Variants in FRA10AC1 observed in about 807,000 individuals in gnomAD.
FRA10AC1 encodes the protein protein FRA10AC1.
Under a neutral mutation model 56.5 loss-of-function variants are expected in FRA10AC1, and 43 were observed. The observed-to-expected ratio is 0.76, with a 90% CI of 0.60 to 0.98. The LOEUF (loss-of-function observed/expected upper bound fraction) is 0.98. FRA10AC1 is among the 50% of genes least tolerant of loss of function. The pLI, the probability that FRA10AC1 is intolerant of heterozygous loss-of-function variation, is 0.00. For missense variants in FRA10AC1, 346 were observed against 351.8 expected (o/e 0.98, Z 0.13); for synonymous variants, 112 against 110.5 (o/e 1.01, Z -0.09).
chr10:93,669,732 T>A lies in FRA10AC1; in HGVS notation c.*94A>T. 1 of 789,062 alleles carries A rather than the reference T, an allele frequency of 1.3e-6. No homozygotes were observed. The allele number at this position is 789,062 out of a possible 1,614,324, so 48.9% of individuals were successfully genotyped here. ...AAAGACAAACCACACAAGCTGTAAC[T>A]TGCAGATAAAAACTTATATGGAATT... On this transcript the variant is annotated 3_prime_UTR_variant, in exon 14 of 14. Transcript: ENST00000359204.
At chr10:93,677,417 A>G (rs1300428166) in intron 11 of FRA10AC1, among the ~76,000 whole-genome samples, 1 of 152,158 alleles carries the variant, frequency 6.6e-6, no homozygotes, top group African/African-American at 2.4e-5. Context: ...GATGAAGAGT[A>G]TAAGAACTAC....
intron 7 of FRA10AC1, 149 bp downstream of exon 7, chr10:93,691,860 T>A: frequency 1.3e-6 from 1 of 794,764 alleles, no homozygotes. Flanking sequence ...CTGCAGAGGT[T>A]AAATGGTCCA....
At position 93,692,007 on chromosome 10, in the gene FRA10AC1, A is replaced by G. The variant is rs771212116; in HGVS notation, c.465+2T>C. 2.6e-6 allele frequency: 4 copies of G among 1,566,012 alleles called. No homozygotes were observed. Among genetic ancestry groups the G allele is most frequent in the Non-Finnish European group, 3.5e-6 (4 of 1,158,620 alleles). ...CTTTCCATAAATATGTGGAAAGCATACCTTATTTTCTTTATATTTACTGAG... is the reference window on the plus strand; with the variant it reads ...CTTTCCATAAATATGTGGAAAGCATGCCTTATTTTCTTTATATTTACTGAG... On this transcript the variant is annotated splice_donor_variant, in intron 7 of 13. Transcript: ENST00000359204. LOFTEE classifies it high-confidence loss of function.
At chr10:93,685,650 T>C (rs965608970) in intron 8 of FRA10AC1, among the ~76,000 whole-genome samples, 1 of 151,066 alleles carries the variant, frequency 6.6e-6, no homozygotes, top group African/African-American at 2.4e-5. Context: ...TATTAAAGAA[T>C]GGACATATTT....
In FRA10AC1 at chr10:93,694,897, T is replaced by C. The variant is rs377557297; in HGVS notation, c.260A>G (p.Tyr87Cys). The C allele has an allele frequency of 7.3e-5, 116 of 1,585,730 alleles. 1 individual carries two copies. In the South Asian group the frequency reaches 8.5e-4, roughly 12 times the overall value. ...HTKFVNDYIL[Y>C]YGGKKEDFKR... is the part of the protein sequence containing the mutation. The stretch of plus-strand genomic sequence containing the variant: ...GAAGTCTTCTTTTTTGCCACCATAG[T>C]ATAAAATATAGTCATTTACGAACTT... Residue 87 changes from tyrosine to cysteine, a missense_variant, in exon 5 of 14, where the codon TAC (tyrosine) becomes TGC (cysteine). Physicochemically the swap from Tyr to Cys is radical, Grantham distance 194. Coordinates refer to ENST00000359204, the MANE Select transcript of FRA10AC1 (RefSeq NM_145246.5).
chr10:93,683,205 C>G (rs760290641), intron 10 of FRA10AC1, among the ~76,000 whole-genome samples: 2 of 152,160 alleles, frequency 1.3e-5, no homozygotes, highest in Non-Finnish European at 2.9e-5. Context: ...AGAGGTTAAG[C>G]AGTTTGCCCA....
chr10:93,700,756 G>A (rs1020886544), intron 1 of FRA10AC1, among the ~76,000 whole-genome samples: 1 of 152,168 alleles, frequency 6.6e-6, no homozygotes, highest in African/African-American at 2.4e-5. Flanking sequence ...TATATGTAGA[G>A]ATTTCCATTT....
intron 7 of FRA10AC1, among the ~76,000 whole-genome samples, chr10:93,688,752 T>C (rs1217340006): frequency 6.6e-6 from 1 of 152,098 alleles, no homozygotes. Flanking sequence ...ATCATGCCAC[T>C]GCATTCCATC....
chr10:93,679,736 A>G (rs1239011073), intron 11 of FRA10AC1, among the ~76,000 whole-genome samples: 2 of 152,030 alleles, frequency 1.3e-5, no homozygotes, highest in Non-Finnish European at 2.9e-5. Flanking sequence ...ATTTATGGAG[A>G]ATGGATTAAG....
chr10:93,681,868 GTATT>G (rs1276983930), intron 10 of FRA10AC1, among the ~76,000 whole-genome samples: 1 of 151,732 alleles, frequency 6.6e-6, no homozygotes, highest in Non-Finnish European at 1.5e-5. Context: ...AATTATAATT[GTATT>G]TGTTTCTTTC....
In FRA10AC1 at chr10:93,692,729, C is replaced by T; in HGVS notation, c.297G>A (p.Gly99=). The change falls in exon 6 of 14, where the codon GGG becomes GGA. Residue 99 remains glycine (G), a splice_region_variant and synonymous_variant. Transcript: ENST00000359204. ...CATCCAAGTCTGTCTTGTCATTTTCCCTGGAAAACAGAACTTTTTCAATTT... is the reference window on the plus strand; with the variant it reads ...CATCCAAGTCTGTCTTGTCATTTTCTCTGGAAAACAGAACTTTTTCAATTT... ...GGKKEDFKRL[G]ENDKTDLDVI... The T allele has an allele frequency of 6.4e-7, 1 of 1,570,032 alleles. No homozygotes were observed. The highest frequency in any genetic ancestry group is 8.6e-7 in the Non-Finnish European group (1 of 1,160,962).
Position 93,694,880 on chromosome 10 carries a change from C to CT in FRA10AC1, c.276dup (p.Glu93ArgfsTer10), listed in dbSNP as rs1317458085. The CT allele has an allele frequency of 1.3e-6, 2 of 1,587,182 alleles. No individual in the cohort carries two copies. Among genetic ancestry groups the CT allele is most frequent in the Non-Finnish European group, 1.7e-6 (2 of 1,155,630 alleles). On this transcript the variant is annotated frameshift_variant, in exon 5 of 14. Transcript: ENST00000359204. LOFTEE classifies it high-confidence loss of function. ...ACTTACCCCAAACGCTTGAAGTCTT[C>CT]TTTTTTGCCACCATAGTATAAAATA...
At position 93,669,809 on chromosome 10, in the gene FRA10AC1, G is replaced by A; in HGVS notation, c.*17C>T. ...ATGAAGTTTCACATTAAGGAGCGGA[G>A]GCTTCTCTCTCTCGTCTCATAGAAA... On this transcript the variant is annotated 3_prime_UTR_variant, in exon 14 of 14. Coordinates refer to ENST00000359204, the MANE Select transcript of FRA10AC1 (RefSeq NM_145246.5). 1 of 1,529,666 alleles carries A rather than the reference G, an allele frequency of 6.5e-7. No homozygotes were observed. The highest frequency in any genetic ancestry group is 8.9e-7 in the Non-Finnish European group (1 of 1,118,946). 94.8% of individuals were successfully genotyped at this position (1,529,666 alleles called of 1,614,324 possible).
At chr10:93,693,505 TATAC>T (rs757267770) in intron 5 of FRA10AC1, among the ~76,000 whole-genome samples, 8,860 of 43,432 alleles carry the variant, frequency 0.2, 1,148 homozygotes, top group Middle Eastern at 0.47. Context: ...TATATATATA[TATAC>T]ACCATATATA....
At chr10:93,687,685 CT>C in intron 7 of FRA10AC1, 1 of 326,438 alleles carries the variant, frequency 3.1e-6, no homozygotes, top group South Asian at 5.8e-5. Context: ...CACAAGATAC[CT>C]AAGTTAACAA....
Position 93,668,243 on chromosome 10 carries a change from T to C in FRA10AC1, c.*1583A>G, listed in dbSNP as rs906729638. ...ACTTGCTTATGTTCAGTTCATTTTC[T>C]ATATGTCCTTTCTCTTATTCATCAA... On this transcript the variant is annotated 3_prime_UTR_variant, in exon 14 of 14. Transcript: ENST00000359204. The C allele has an allele frequency of 3.3e-5, 5 of 152,234 alleles. No homozygotes were observed. Among genetic ancestry groups the C allele is most frequent in the African/African-American group, 1.2e-4 (5 of 41,466 alleles). 9.4% of individuals were successfully genotyped at this position (152,234 alleles called of 1,614,324 possible).
rs1172141513 is a variant in FRA10AC1 at position 93,683,177 on chromosome 10, G to T, written c.668+879C>A. On this transcript the variant is annotated intron_variant, in intron 10 of 13. Transcript: ENST00000359204. ...CCTGAGTAGCCTCATTTTTACAGGT[G>T]ATAAAATTAAGCCTTACAGAGGTTA... 3.9e-5 allele frequency among the ~76,000 whole-genome samples: 6 copies of T among 152,190 alleles called. No individual in the cohort carries two copies. In the East Asian group the frequency reaches 1.2e-3, roughly 29 times the overall value.
chr10:93,692,546 TTC>T (rs2059142116), intron 6 of FRA10AC1, 98 bp downstream of exon 6: 3 of 750,218 alleles, frequency 4.0e-6, no homozygotes, highest in Non-Finnish European at 6.8e-6. Flanking sequence ...TTCAGAACTG[TTC>T]TATGAAGGGG....
chr10:93,686,953 GACTTCCAA>G (rs925219000), intron 8 of FRA10AC1, among the ~76,000 whole-genome samples: 7 of 151,742 alleles, frequency 4.6e-5, no homozygotes, highest in Admixed American at 3.3e-4. Context: ...CAATATAAGG[GACTTCCAA>G]AAATGAGTAC....
Sources: allele counts gnomAD v4.1 joint callset (sites outside exome capture counted in the v4.1 genomes callset), GRCh38; gene constraint gnomAD v4.1.1; transcripts MANE v1.5; gene names NCBI Gene and HGNC (gene_info 2026-07-23, HGNC 2026-07-21).